FAM217B: variants seen among roughly 807,000 people sequenced by gnomAD.
FAM217B encodes the protein protein FAM217B.
For synonymous variants in FAM217B, 163 were observed against 173.0 expected (o/e 0.94, Z 0.45); for missense variants, 463 against 456.9 (o/e 1.01, Z -0.12).
upstream of FAM217B, chr20:59,939,094 G>A (rs1325245324): frequency 6.3e-7 from 1 of 1,594,892 alleles, no homozygotes; most frequent in East Asian, 2.2e-5. Context: ...GCGTGGTTGC[G>A]ACATGTGAGG....
rs1262468377 is a variant in FAM217B, at chr20:59,944,434, C to A, written c.491C>A (p.Ala164Glu). The change falls in exon 4 of 4, where the codon GCA becomes GAA. Residue 164 changes from alanine to glutamate, a missense_variant. Transcript: ENST00000360816. ...CGAGATATGGCCCTGCTTCTGAACG[C>A]AGAGAACAAAACGGAAGCCGTGCCC... The part of the protein sequence containing the change: ...DLRDMALLLN[A>E]ENKTEAVPRV... 6.2e-7 allele frequency: 1 copy of A among 1,613,856 alleles called. No individual in the cohort carries two copies. Among genetic ancestry groups the A allele is most frequent in the Non-Finnish European group, 8.5e-7 (1 of 1,179,992 alleles).
At chr20:59,936,798 A>G (rs1241415547), upstream of FAM217B, 1 of 152,248 alleles carries the variant, frequency 6.6e-6, no homozygotes, top group Non-Finnish European at 1.5e-5. Context: ...GCCACAAGAA[A>G]AACATACTGA....
At chr20:59,937,829 A>G (rs1249126879), upstream of FAM217B, 1 of 152,576 alleles carries the variant, frequency 6.6e-6, no homozygotes, top group Non-Finnish European at 1.5e-5. Context: ...AAAAACATAA[A>G]AGAATTTTAT....
rs145987827 is a variant in FAM217B, at chr20:59,944,322, T to G, written c.379T>G (p.Phe127Val). 146 of 1,614,212 alleles carry G rather than the reference T, an allele frequency of 9.0e-5. No homozygotes were observed. In the African/African-American group the frequency reaches 1.9e-3, roughly 20 times the overall value. The stretch of plus-strand genomic sequence containing the variant: ...AGCTGAAGAAATTGATCCAGTTTAC[T>G]TTGATCTTCACCCTGGTCAGGGCCA... ...LRAEEIDPVYFDLHPGQGHTK... is the reference protein window; with the variant it reads ...LRAEEIDPVYVDLHPGQGHTK... The change falls in exon 4 of 4, where the codon TTT (phenylalanine) becomes GTT (valine). Residue 127 changes from phenylalanine to valine, a missense_variant. Physicochemically the swap from Phe to Val is conservative, Grantham distance 50. Transcript: ENST00000360816.
At chr20:59,938,201 C>G (rs1244797382), upstream of FAM217B, 1 of 152,206 alleles carries the variant, frequency 6.6e-6, no homozygotes, top group East Asian at 1.9e-4. Context: ...TGCTTAGTTT[C>G]AAACTTAAAC....
chr20:59,939,557 C>A, upstream of FAM217B: 1 of 1,611,550 alleles, frequency 6.2e-7, no homozygotes, highest in Non-Finnish European at 8.5e-7. Context: ...GCGGCACGGA[C>A]GGGTCGTCTC....
upstream of FAM217B, chr20:59,939,481 T>G (rs774322736): frequency 3.2e-5 from 52 of 1,612,004 alleles, no homozygotes; most frequent in Non-Finnish European, 7.6e-6. Flanking sequence ...CAATGCAGGG[T>G]GAACTCCAGG....
chr20:59,943,855 C>T (rs2060918996), intron 3 of FAM217B, 85 bp from the exon 4 acceptor site: 2 of 1,170,494 alleles, frequency 1.7e-6, no homozygotes, highest in Admixed American at 5.5e-5. Context: ...AAAAGTACAA[C>T]TAGAAGATTC....
chr20:59,935,176 C>T (rs2060852352), intron 1 of FAM217B, among the ~76,000 whole-genome samples: 1 of 152,186 alleles, frequency 6.6e-6, no homozygotes, highest in Non-Finnish European at 1.5e-5. Flanking sequence ...TAATTATTTT[C>T]ATACCTAGTT....
chr20:59,933,861 GGTCCCCGCTGTCCCCGCGCTTCGGCCC>G, intron 1 of FAM217B: 1 of 152,016 alleles, frequency 6.6e-6, no homozygotes, highest in Non-Finnish European at 1.5e-5. Context: ...CAGGTTAGTG[GGTCCCCGCTGTCCCCGCGCTTCGGCCC>G]GTCCTCTCGC....
rs750051106 is a variant in FAM217B, at chr20:59,944,111, A to C, written c.168A>C (p.Ala56=). The change falls in exon 4 of 4, where the codon GCA becomes GCC. Residue 56 remains alanine, a synonymous_variant. Coordinates refer to ENST00000360816, the MANE Select transcript of FAM217B (RefSeq NM_022106.3). ...EKLKESISPE[A]RRKRNPLGSR... Reference sequence around the variant, plus strand: ...TTAAAGAAAGCATTTCCCCGGAAGCAAGACGCAAAAGGAATCCACTCGGTT... The same window carrying C: ...TTAAAGAAAGCATTTCCCCGGAAGCCAGACGCAAAAGGAATCCACTCGGTT... The C allele has an allele frequency of 3.1e-6, 5 of 1,614,168 alleles. No homozygotes were observed. The South Asian group carries it at 5.5e-5, about 18-fold the overall frequency.
At chr20:59,935,318 T>C (rs1010905968) in intron 1 of FAM217B, among the ~76,000 whole-genome samples, 2 of 152,238 alleles carry the variant, frequency 1.3e-5, no homozygotes, top group Non-Finnish European at 2.9e-5. Flanking sequence ...TGTTAGTCTT[T>C]TTTATTGCTT....
chr20:59,937,824 CAT>C (rs1378824698), upstream of FAM217B: 2 of 152,446 alleles, frequency 1.3e-5, no homozygotes, highest in Non-Finnish European at 1.5e-5. Flanking sequence ...GGTTTAAAAA[CAT>C]AAAAGAATTT....
chr20:59,936,923 G>T (rs1006612140), upstream of FAM217B: 4 of 152,544 alleles, frequency 2.6e-5, no homozygotes, highest in African/African-American at 9.7e-5. Context: ...CCCAGCAATT[G>T]CACAGCCCAC....
chr20:59,944,580 G>A lies in FAM217B; in HGVS notation c.637G>A (p.Gly213Arg), dbSNP rs1028636290. The A allele has an allele frequency of 6.2e-7, 1 of 1,613,958 alleles. No homozygotes were observed. The highest frequency in any genetic ancestry group is 8.5e-7 in the Non-Finnish European group (1 of 1,179,990). The stretch of plus-strand genomic sequence containing the variant: ...CAAAGCAAGGCCCCCCACTGCCCCT[G>A]GGACCTCAGGGGCACTGAAAAGCCC... ...GGKARPPTAP[G>R]TSGALKSPGR... is the part of the protein sequence containing the mutation. Residue 213 changes from glycine (G) to arginine (R), a missense_variant, in exon 4 of 4, where the codon GGG (glycine) becomes AGG (arginine). Transcript: ENST00000360816.
In FAM217B at chr20:59,945,788, CT is replaced by C. The variant is rs2060933979; in HGVS notation, c.*697del. On this transcript the variant is annotated 3_prime_UTR_variant, in exon 4 of 4. Transcript: ENST00000360816. ...AACTTAGAGGTGGTGGTAAAACCTA[CT>C]TTTGAGTTCTCCGAACTGAGGTTAA... 6.0e-6 allele frequency: 1 copy of C among 166,852 alleles called. No individual in the cohort carries two copies. The highest frequency in any genetic ancestry group is 2.4e-5 in the African/African-American group (1 of 41,366). 10.3% of individuals were successfully genotyped at this position (166,852 alleles called of 1,614,324 possible). A position where few individuals can be genotyped will look rare whatever the true frequency, so the allele number is the denominator to read the frequency against.
At chr20:59,938,897 C>A, upstream of FAM217B, 1 of 836,016 alleles carries the variant, frequency 1.2e-6, no homozygotes, top group Non-Finnish European at 1.7e-6. Context: ...TGCCAGGGGA[C>A]CTTGCAGCAG....
At chr20:59,939,390 C>T (rs147721457), upstream of FAM217B, 33 of 1,610,484 alleles carry the variant, frequency 2.0e-5, no homozygotes, top group African/African-American at 2.5e-4. Flanking sequence ...GCAAGTGACA[C>T]GCTCCAGGCA....
rs768153398 is a variant in FAM217B, at chr20:59,947,099, C to A, written c.*2004C>A. Reference sequence around the variant, plus strand: ...TTTATGCTGAGTTGCTGCCTTTCCCCGTCATGTATCCATGTGCATGCTCTT... The same window carrying A: ...TTTATGCTGAGTTGCTGCCTTTCCCAGTCATGTATCCATGTGCATGCTCTT... On this transcript the variant is annotated 3_prime_UTR_variant, in exon 4 of 4. Coordinates refer to ENST00000360816, the MANE Select transcript of FAM217B (RefSeq NM_022106.3). 2 of 167,102 alleles carry A rather than the reference C, an allele frequency of 1.2e-5. No homozygotes were observed. The highest frequency in any genetic ancestry group is 2.4e-5 in the African/African-American group (1 of 41,434). The allele number at this position is 167,102 out of a possible 1,614,324, so 10.4% of individuals were successfully genotyped here. A position where few individuals can be genotyped will look rare whatever the true frequency, so the allele number is the denominator to read the frequency against.
Sources: allele counts gnomAD v4.1 joint callset (sites outside exome capture counted in the v4.1 genomes callset), GRCh38; gene constraint gnomAD v4.1.1; transcripts MANE v1.5; gene names NCBI Gene and HGNC (gene_info 2026-07-23, HGNC 2026-07-21).